Variants in ROS1 observed in about 807,000 individuals in gnomAD.
ROS1 encodes the protein ROS proto-oncogene 1, receptor tyrosine kinase.
Under a neutral mutation model 273.5 loss-of-function variants are expected in ROS1, and 263 were observed. That is an observed-to-expected ratio of 0.96 (90% CI 0.87 to 1.06). The LOEUF (loss-of-function observed/expected upper bound fraction) is 1.06, where lower values mean the gene tolerates loss of function less well. Ranked by LOEUF, ROS1 falls within the 50% of genes least tolerant of loss-of-function variation. The pLI, the probability that ROS1 is intolerant of heterozygous loss-of-function variation, is 0.00. For missense variants in ROS1, 2,833 were observed against 2,751.1 expected, an observed-to-expected ratio of 1.03 and a Z score of -0.67; for synonymous variants, 1,008 against 954.1, an observed-to-expected ratio of 1.06 and a Z score of -1.04.
At chr6:117,295,713 C>A (rs976069684) in intron 43 of ROS1, among the ~76,000 whole-genome samples, 2 of 152,062 alleles carry the variant, frequency 1.3e-5, no homozygotes, top group African/African-American at 2.4e-5. Context: ...AAAAGAAATA[C>A]AAATGGCAAA....
intron 18 of ROS1, among the ~76,000 whole-genome samples, chr6:117,375,322 C>T (rs917790941): frequency 6.6e-5 from 10 of 152,156 alleles, no homozygotes; most frequent in Non-Finnish European, 1.3e-4. Context: ...GGATAAAAGA[C>T]TACACACTGG....
chr6:117,362,934 CTTATAA>C (rs1779927010), intron 21 of ROS1, 69 bp from the exon 22 acceptor site: 1 of 1,290,300 alleles, frequency 7.8e-7, no homozygotes, highest in Non-Finnish European at 1.1e-6. Flanking sequence ...ACTTTTACCA[CTTATAA>C]TAAGATTGTA....
At position 117,360,421 on chromosome 6, in the gene ROS1, C is replaced by G. The variant is rs571566795; in HGVS notation, c.3367-16G>C. 6.3e-7 allele frequency: 1 copy of G among 1,598,190 alleles called. No homozygotes were observed. The highest frequency in any genetic ancestry group is 1.1e-5 in the South Asian group (1 of 90,220). The stretch of plus-strand genomic sequence containing the variant: ...AGGCCCTAACCTAAAGAAAAGGAAA[C>G]AAAAATTGCATTCAGTAGTGTTCTC... On this transcript the variant is annotated splice_polypyrimidine_tract_variant and intron_variant, in intron 22 of 43. Coordinates refer to ENST00000368507, the MANE Select transcript of ROS1 (RefSeq NM_001378902.1).
chr6:117,305,986 T>C (rs1775067205), intron 42 of ROS1, among the ~76,000 whole-genome samples: 1 of 151,598 alleles, frequency 6.6e-6, no homozygotes, highest in African/African-American at 2.4e-5. Context: ...GAGGTTCCAA[T>C]TCCTCCACTC....
rs764807682 is a variant in ROS1, at chr6:117,288,745, A to T, written c.6773T>A (p.Met2258Lys). The change falls in exon 44 of 44, where the codon ATG (methionine) becomes AAG (lysine). Residue 2258 changes from methionine to lysine, a missense_variant. Physicochemically the swap from Met to Lys is moderately conservative, Grantham distance 95. Transcript: ENST00000368507. ...NSDDIMPVAL[M>K]ETKNREGLNY... ...TAACCCTTCTCGGTTCTTCGTTTCC[A>T]TTAAAGCAACTGGCATAATGTCATC... 2 of 1,613,920 alleles carry T rather than the reference A, an allele frequency of 1.2e-6. No homozygotes were observed. The highest frequency in any genetic ancestry group is 2.2e-5 in the South Asian group (2 of 90,984).
intron 6 of ROS1, 109 bp from the exon 7 acceptor site, chr6:117,403,386 A>G: frequency 9.2e-7 from 1 of 1,081,916 alleles, no homozygotes; most frequent in Non-Finnish European, 1.3e-6. Context: ...AGAGAAGATG[A>G]AATAAGAGGC....
In ROS1 at chr6:117,356,825, G is replaced by A. The variant is rs1480130757; in HGVS notation, c.3930C>T (p.Pro1310=). 6.2e-7 allele frequency: 1 copy of A among 1,614,006 alleles called. No individual in the cohort carries two copies. Among genetic ancestry groups the A allele is most frequent in the Non-Finnish European group, 8.5e-7 (1 of 1,180,036 alleles). ...TTTTGTTTTGTTGGTTTGTAGCTGT[G>A]GGTTGCAGAATTCGGTGCAAGGTGT... ...ISHTLHRILQ[P]TATNQQNKRN... The change falls in exon 26 of 44, where the codon CCC becomes CCT. Residue 1310 remains proline, a synonymous_variant. Transcript: ENST00000368507.
rs376907584 is a variant in ROS1, at chr6:117,317,305, T to C, written c.5988-33A>G. On this transcript the variant is annotated intron_variant, in intron 38 of 43. Transcript: ENST00000368507. ...GTGGAAAGACACAGGCTGGATGATA[T>C]GACAGAAGCAGGAGTCCTAGCCGAG... is the stretch of plus-strand genomic sequence containing the variant. The C allele has an allele frequency of 1.5e-5, 24 of 1,598,086 alleles. No individual in the cohort carries two copies. In the Middle Eastern group the frequency reaches 5.0e-4, roughly 34 times the overall value.
intron 1 of ROS1, among the ~76,000 whole-genome samples, chr6:117,420,961 C>A (rs186995749): frequency 2.0e-5 from 3 of 151,656 alleles, no homozygotes; most frequent in African/African-American, 7.3e-5. Context: ...GATTTAATAA[C>A]GCATTCTTTT....
At chr6:117,350,723 G>T (rs1582702421) in intron 27 of ROS1, among the ~76,000 whole-genome samples, 1 of 137,692 alleles carries the variant, frequency 7.3e-6, no homozygotes, top group East Asian at 2.1e-4. Context: ...AGTTTTGCAG[G>T]TTTCTACTGA....
intron 2 of ROS1, among the ~76,000 whole-genome samples, chr6:117,417,770 C>A (rs746989548): frequency 1.3e-5 from 2 of 152,192 alleles, no homozygotes; most frequent in Non-Finnish European, 2.9e-5. Flanking sequence ...AAAGGGCCTT[C>A]TCTGATCGAT....
chr6:117,405,338 C>A (rs1774310561), intron 5 of ROS1, among the ~76,000 whole-genome samples: 1 of 152,200 alleles, frequency 6.6e-6, no homozygotes, highest in South Asian at 2.1e-4. Context: ...GAGGACCTAG[C>A]CCACAAAGAG....
chr6:117,327,837 G>A (rs1180067966), intron 33 of ROS1, among the ~76,000 whole-genome samples: 1 of 152,174 alleles, frequency 6.6e-6, no homozygotes, highest in Non-Finnish European at 1.5e-5. Flanking sequence ...TGCATAAGAA[G>A]AGGGAAATTT....
At chr6:117,410,274 C>A (rs565932426) in intron 4 of ROS1, among the ~76,000 whole-genome samples, 1 of 152,288 alleles carries the variant, frequency 6.6e-6, no homozygotes, top group East Asian at 1.9e-4. Context: ...CAATTATCTG[C>A]TTGCCATTTT....
rs1773343553 is a variant in ROS1 at position 117,394,609 on chromosome 6, T to C, written c.1006+7A>G. 13 of 1,592,886 alleles carry C rather than the reference T, an allele frequency of 8.2e-6. No individual in the cohort carries two copies. Among genetic ancestry groups the C allele is most frequent in the Non-Finnish European group, 1.1e-5 (13 of 1,170,320 alleles). ...ACTAAGGAATCATTTATCCTTATCA[T>C]ACTGACCTGTAATATTATGGTATAT... is the stretch of plus-strand genomic sequence containing the variant. On this transcript the variant is annotated splice_region_variant and intron_variant, in intron 10 of 43. Transcript: ENST00000368507.
In ROS1 at chr6:117,341,099, T is replaced by C. The variant is rs576628941; in HGVS notation, c.5061+36A>G. ...TGAAAAAGCCCTTTCCAATTTATTC[T>C]ATATCATAAAATAAAGACTTGCATT... On this transcript the variant is annotated intron_variant, in intron 31 of 43. Transcript: ENST00000368507. 943 of 1,418,486 alleles carry C rather than the reference T, an allele frequency of 6.6e-4. 12 individuals are homozygous for C. In the South Asian group the frequency reaches 0.012, roughly 17 times the overall value. 87.9% of individuals were successfully genotyped at this position (1,418,486 alleles called of 1,614,324 possible). A position where few individuals can be genotyped will look rare whatever the true frequency, so the allele number is the denominator to read the frequency against.
At chr6:117,342,656 A>C in intron 28 of ROS1, 112 bp from the exon 29 acceptor site, 3 of 718,242 alleles carry the variant, frequency 4.2e-6, no homozygotes, top group Non-Finnish European at 6.5e-6. Context: ...AAATTAATTT[A>C]TTTTAAATTC....
rs2128555775 is a variant in ROS1, at chr6:117,317,254, G to T, written c.6006C>A (p.Asn2002Lys). Residue 2002 changes from asparagine (N) to lysine (K), a missense_variant, in exon 39 of 44, where the codon AAC becomes AAA. Coordinates refer to ENST00000368507, the MANE Select transcript of ROS1 (RefSeq NM_001378902.1). ...GACAAACTCCAAGCTGCTTCAGAAT[G>T]TTGGGATGATTAAATTTGCTGAAAG... ...AHLMSKFNHP[N>K]ILKQLGVCLL... 6.2e-7 allele frequency: 1 copy of T among 1,611,936 alleles called. No individual in the cohort carries two copies. The highest frequency in any genetic ancestry group is 8.5e-7 in the Non-Finnish European group (1 of 1,179,194).
At chr6:117,347,941 T>A (rs1316883845) in intron 27 of ROS1, among the ~76,000 whole-genome samples, 4 of 152,106 alleles carry the variant, frequency 2.6e-5, no homozygotes, top group Non-Finnish European at 4.4e-5. Flanking sequence ...TATAAAACTA[T>A]TTTAATATAT....
Sources: gnomAD v4.1 joint callset for allele counts (sites outside exome capture counted in the v4.1 genomes callset) on GRCh38, gnomAD v4.1.1 for gene constraint, MANE v1.5 for transcripts, NCBI Gene and HGNC (gene_info 2026-07-23, HGNC 2026-07-21) for gene names.